Variants in BORCS5 observed in about 807,000 individuals in gnomAD.
The protein encoded by BORCS5 is BLOC-1-related complex subunit 5.
BORCS5 carries 17 observed loss-of-function variants against 22.1 expected under a neutral mutation model. The ratio of observed to expected loss-of-function variants is 0.77; its 90% confidence interval spans 0.53 to 1.15. BORCS5 has a LOEUF of 1.15. Ranked by LOEUF, BORCS5 falls within the 50% of genes most tolerant of loss-of-function variation. The pLI, the probability that BORCS5 is intolerant of heterozygous loss-of-function variation, is 0.00. For missense variants in BORCS5, 247 were observed against 253.2 expected, an observed-to-expected ratio of 0.98 and a Z score of 0.17; for synonymous variants, 117 against 99.8, an observed-to-expected ratio of 1.17 and a Z score of -1.03.
intron 2 of BORCS5, among the ~76,000 whole-genome samples, chr12:12,367,388 G>A (rs1199471203): frequency 6.6e-6 from 1 of 152,218 alleles, no homozygotes; most frequent in African/African-American, 2.4e-5. Context: ...CAGAGCCACA[G>A]TCTTCTCTGA....
intron 2 of BORCS5, among the ~76,000 whole-genome samples, chr12:12,432,733 C>T (rs1292350625): frequency 1.3e-5 from 2 of 152,206 alleles, no homozygotes; most frequent in African/African-American, 2.4e-5. Context: ...AACATAGACA[C>T]ATCTCTAAAG....
Position 12,445,951 on chromosome 12 carries a change from G to C in BORCS5, c.360+10166G>C, listed in dbSNP as rs184902260. Among the ~76,000 whole-genome samples, 6 of 151,716 alleles carry C rather than the reference G, an allele frequency of 4.0e-5. No homozygotes were observed. In the East Asian group the frequency reaches 1.2e-3, roughly 29 times the overall value. On this transcript the variant is annotated intron_variant, in intron 3 of 3. Coordinates refer to ENST00000314565, the MANE Select transcript of BORCS5 (RefSeq NM_058169.6). Reference sequence around the variant, plus strand: ...AGCCACCATACCTAGCTTCTGTTTTGTTTTGTTTTGTTTTGTTTTCTCACA... The same window carrying C: ...AGCCACCATACCTAGCTTCTGTTTTCTTTTGTTTTGTTTTGTTTTCTCACA...
At chr12:12,417,390 A>T (rs939166108) in intron 2 of BORCS5, among the ~76,000 whole-genome samples, 2 of 152,206 alleles carry the variant, frequency 1.3e-5, no homozygotes, top group African/African-American at 4.8e-5. Flanking sequence ...CATATGGCCT[A>T]TCCTGAAAAA....
At chr12:12,387,667 T>G (rs1174722091) in intron 2 of BORCS5, among the ~76,000 whole-genome samples, 1 of 151,522 alleles carries the variant, frequency 6.6e-6, no homozygotes, top group Non-Finnish European at 1.5e-5. Context: ...CAAGTTTAAG[T>G]AGCTTTTTTG....
intron 3 of BORCS5, among the ~76,000 whole-genome samples, chr12:12,464,538 G>A (rs1943164984): frequency 6.6e-6 from 1 of 152,166 alleles, no homozygotes; most frequent in African/African-American, 2.4e-5. Context: ...GGAGGAGCCT[G>A]GGAACCTTGG....
intron 2 of BORCS5, among the ~76,000 whole-genome samples, chr12:12,396,695 CTT>C (rs1941356282): frequency 6.6e-6 from 1 of 152,030 alleles, no homozygotes; most frequent in Non-Finnish European, 1.5e-5. Context: ...ACAGTTCATC[CTT>C]CTGGGTCTGT....
chr12:12,422,941 T>TC (rs1465764220), intron 2 of BORCS5, among the ~76,000 whole-genome samples: 1 of 151,194 alleles, frequency 6.6e-6, no homozygotes, highest in African/African-American at 2.4e-5. Flanking sequence ...TACAAAAGAG[T>TC]TACGAACCAT....
rs1368666314 is a variant in BORCS5, at chr12:12,471,057, G to C, written c.*5281G>C. ...CAGACCATTACTGAATGCTCTTCAG[G>C]TTACCCTATTTGCCTGTCACATTGC... On this transcript the variant is annotated 3_prime_UTR_variant, in exon 4 of 4. Coordinates refer to ENST00000314565, the MANE Select transcript of BORCS5 (RefSeq NM_058169.6). 6.6e-6 allele frequency among the ~76,000 whole-genome samples: 1 copy of C among 152,060 alleles called. No homozygotes were observed. Among genetic ancestry groups the C allele is most frequent in the East Asian group, 1.9e-4 (1 of 5,198 alleles).
At chr12:12,445,830 G>T (rs1942777882) in intron 3 of BORCS5, among the ~76,000 whole-genome samples, 1 of 143,938 alleles carries the variant, frequency 6.9e-6, no homozygotes. Flanking sequence ...TTTTTGTAGA[G>T]ACAGGGTCTC....
intron 3 of BORCS5, among the ~76,000 whole-genome samples, chr12:12,455,736 G>A (rs762920250): frequency 1.9e-4 from 28 of 151,100 alleles, no homozygotes; most frequent in Non-Finnish European, 3.7e-4. Context: ...CTGAGATTGT[G>A]GCACTGCACT....
intron 2 of BORCS5, among the ~76,000 whole-genome samples, chr12:12,389,468 ATT>A (rs1863954568): frequency 2.1e-5 from 3 of 144,672 alleles, no homozygotes; most frequent in Admixed American, 1.4e-4. Flanking sequence ...CACATTTACA[ATT>A]CTAATTAGTT....
At chr12:12,454,230 T>C (rs550439716) in intron 3 of BORCS5, among the ~76,000 whole-genome samples, 1 of 152,358 alleles carries the variant, frequency 6.6e-6, no homozygotes, top group South Asian at 2.1e-4. Flanking sequence ...AGTAACTTTA[T>C]GTTTAACTTT....
intron 3 of BORCS5, chr12:12,452,527 G>C (rs1316384009): frequency 1.8e-5 from 7 of 396,446 alleles, no homozygotes; most frequent in African/African-American, 4.2e-5. Context: ...GCCAGGGTGC[G>C]GGCCGGCGCG....
intron 2 of BORCS5, among the ~76,000 whole-genome samples, chr12:12,430,151 ATT>A (rs71061068): frequency 1.1e-4 from 12 of 107,726 alleles, no homozygotes; most frequent in Admixed American, 2.0e-4. Flanking sequence ...CTTAGAGAAA[ATT>A]TTTTTTTTTT....
At chr12:12,418,819 C>G (rs1942039027) in intron 2 of BORCS5, among the ~76,000 whole-genome samples, 1 of 152,168 alleles carries the variant, frequency 6.6e-6, no homozygotes, top group South Asian at 2.1e-4. Flanking sequence ...TCCATTCTGT[C>G]AATCCCTGTC....
intron 2 of BORCS5, among the ~76,000 whole-genome samples, chr12:12,430,000 C>T (rs907819018): frequency 4.6e-5 from 7 of 152,090 alleles, no homozygotes; most frequent in Non-Finnish European, 7.4e-5. Context: ...CCTTGGAATT[C>T]CAGCAATAGA....
chr12:12,422,875 T>G (rs1942172331), intron 2 of BORCS5, among the ~76,000 whole-genome samples: 1 of 152,136 alleles, frequency 6.6e-6, no homozygotes, highest in Non-Finnish European at 1.5e-5. Context: ...ACTAATTTTT[T>G]TTAATGTATC....
At position 12,470,225 on chromosome 12, in the gene BORCS5, C is replaced by T. The variant is rs1409660804; in HGVS notation, c.*4449C>T. On this transcript the variant is annotated 3_prime_UTR_variant, in exon 4 of 4. Coordinates refer to ENST00000314565, the MANE Select transcript of BORCS5 (RefSeq NM_058169.6). Reference sequence around the variant, plus strand: ...AGCTGGGACTACAGGTGCCCGCCACCACACCCGGCTAATTTTTTATTTTTA... The same window carrying T: ...AGCTGGGACTACAGGTGCCCGCCACTACACCCGGCTAATTTTTTATTTTTA... 6.6e-6 allele frequency among the ~76,000 whole-genome samples: 1 copy of T among 152,210 alleles called. No individual in the cohort carries two copies. The highest frequency in any genetic ancestry group is 6.5e-5 in the Admixed American group (1 of 15,286).
intron 2 of BORCS5, among the ~76,000 whole-genome samples, chr12:12,417,716 C>T (rs11054895): frequency 0.27 from 40,895 of 151,978 alleles, 6,604 homozygotes; most frequent in Non-Finnish European, 0.36. Flanking sequence ...AGTGCAGTAG[C>T]GAGATCTTGG....
Sources: gnomAD v4.1 joint callset for allele counts (sites outside exome capture counted in the v4.1 genomes callset) on GRCh38, gnomAD v4.1.1 for gene constraint, MANE v1.5 for transcripts, NCBI Gene and HGNC (gene_info 2026-07-23, HGNC 2026-07-21) for gene names.